Variants in ANKRD26 observed in about 807,000 individuals in gnomAD.
ANKRD26 encodes the protein ankyrin repeat domain-containing protein 26.
Under a neutral mutation model 208.7 loss-of-function variants are expected in ANKRD26, and 141 were observed. That is an observed-to-expected ratio of 0.68 (90% CI 0.59 to 0.78). The LOEUF is 0.78. Ranked by LOEUF, ANKRD26 falls within the 30% of genes least tolerant of loss-of-function variation. ANKRD26 has a pLI of 0.00. For missense variants in ANKRD26, 1,889 were observed against 1,938.7 expected, an observed-to-expected ratio of 0.97 and a Z score of 0.48; for synonymous variants, 636 against 660.4, an observed-to-expected ratio of 0.96 and a Z score of 0.57.
chr10:27,075,686 AG>A (rs751715360), intron 9 of ANKRD26, among the ~76,000 whole-genome samples: 1 of 152,220 alleles, frequency 6.6e-6, no homozygotes, highest in Non-Finnish European at 1.5e-5. Context: ...AGCACTAGAC[AG>A]GTCATCAAGG....
intron 4 of ANKRD26, among the ~76,000 whole-genome samples, chr10:26,981,860 C>G (rs2052314179): frequency 6.6e-6 from 1 of 152,152 alleles, no homozygotes; most frequent in African/African-American, 2.4e-5. Flanking sequence ...GTCGTGGCTA[C>G]CTGAATCTGT....
intron 3 of ANKRD26, among the ~76,000 whole-genome samples, chr10:26,984,616 C>T (rs1027932730): frequency 1.3e-5 from 2 of 152,218 alleles, no homozygotes; most frequent in Non-Finnish European, 2.9e-5. Flanking sequence ...AATCCTTTAC[C>T]AAAACTTGGC....
At chr10:27,021,824 T>C (rs945779349) in intron 29 of ANKRD26, among the ~76,000 whole-genome samples, 3 of 152,286 alleles carry the variant, frequency 2.0e-5, no homozygotes, top group East Asian at 1.9e-4. Context: ...ATCATGTTTG[T>C]TGGGTTGCAT....
intron 5 of ANKRD26, among the ~76,000 whole-genome samples, chr10:26,977,821 C>T (rs2052249564): frequency 6.6e-6 from 1 of 152,200 alleles, no homozygotes; most frequent in Admixed American, 6.5e-5. Context: ...AGAAAGCCCG[C>T]TACTGCCCTG....
intron 11 of ANKRD26, 78 bp from the exon 12 acceptor site, chr10:27,064,159 A>T: frequency 9.3e-7 from 1 of 1,078,658 alleles, no homozygotes; most frequent in South Asian, 1.4e-5. Context: ...ATCACTTTCA[A>T]ATATAATATG....
intron 15 of ANKRD26, among the ~76,000 whole-genome samples, chr10:27,057,935 CA>C (rs76921203): frequency 0.08 from 6,683 of 83,774 alleles, 169 homozygotes; most frequent in African/African-American, 0.12. Context: ...GACTCCATCT[CA>C]AAAAAAAAAA....
intron 1 of ANKRD26, among the ~76,000 whole-genome samples, chr10:27,099,878 G>A (rs564841341): frequency 5.9e-5 from 9 of 152,290 alleles, no homozygotes; most frequent in African/African-American, 2.2e-4. Context: ...GGATTTCGGG[G>A]GGATCGGAAA....
chr10:27,100,208 T>A lies in ANKRD26; in HGVS notation c.119A>T (p.Tyr40Phe), dbSNP rs370781900. The A allele has an allele frequency of 6.2e-7, 1 of 1,613,628 alleles. No homozygotes were observed. Among genetic ancestry groups the A allele is most frequent in the South Asian group, 1.1e-5 (1 of 91,088 alleles). ...GCCGAGATCTCGGTCTCGGACGTGG[T>A]AGCCGGGCTGCGAGTAGGCGCCCTC... ...PGEGAYSQPG[Y>F]HVRDRDLGKI... Residue 40 changes from tyrosine (Y) to phenylalanine (F), a missense_variant, in exon 1 of 34, where the codon TAC (tyrosine) becomes TTC (phenylalanine). This residue lies in a region of ANKRD26 where 1,272 missense variants were observed against 1,273.8 expected (regional missense o/e 1.00). Coordinates refer to ENST00000376087, the MANE Select transcript of ANKRD26 (RefSeq NM_014915.3).
intron 15 of ANKRD26, among the ~76,000 whole-genome samples, chr10:27,055,864 ATAAC>A (rs2054821564): frequency 1.3e-5 from 2 of 152,234 alleles, no homozygotes; most frequent in South Asian, 2.1e-4. Flanking sequence ...ACATGTAGTT[ATAAC>A]TAACACTTGT....
rs765358530 is a variant in ANKRD26, at chr10:27,092,389, A to G, written c.638+17T>C. On this transcript the variant is annotated intron_variant, in intron 4 of 33. Transcript: ENST00000376087. Reference sequence around the variant, plus strand: ...ACATACAAGTTTAAAAATCCAAAACAAAACCAGCTACTGTACCTTTCCAAC... The same window carrying G: ...ACATACAAGTTTAAAAATCCAAAACGAAACCAGCTACTGTACCTTTCCAAC... 2.0e-5 allele frequency: 31 copies of G among 1,578,114 alleles called. No individual in the cohort carries two copies. Among genetic ancestry groups the G allele is most frequent in the Non-Finnish European group, 2.7e-5 (31 of 1,150,380 alleles).
At chr10:26,996,973 G>T (rs2052607110) in intron 4 of ANKRD26, among the ~76,000 whole-genome samples, 1 of 152,014 alleles carries the variant, frequency 6.6e-6, no homozygotes, top group Non-Finnish European at 1.5e-5. Context: ...ACATTGTCAG[G>T]ATGTTTCTCT....
chr10:27,006,254 G>A (rs1245846675), intron 33 of ANKRD26, among the ~76,000 whole-genome samples: 2 of 152,324 alleles, frequency 1.3e-5, no homozygotes, highest in East Asian at 1.9e-4. Context: ...GCCAAGAGCT[G>A]GAGCTGAGGA....
At chr10:27,023,527 G>T (rs904038726) in intron 28 of ANKRD26, among the ~76,000 whole-genome samples, 2 of 151,710 alleles carry the variant, frequency 1.3e-5, no homozygotes, top group African/African-American at 4.8e-5. Flanking sequence ...CATTTTTGAC[G>T]TCTGAGTTAA....
intron 29 of ANKRD26, 133 bp downstream of exon 29, chr10:27,022,421 TAAAA>T: frequency 1.6e-6 from 1 of 639,278 alleles, no homozygotes; most frequent in Non-Finnish European, 2.5e-6. Context: ...CTTAAAAGTT[TAAAA>T]AAAGTTTTTT....
chr10:27,037,068 T>C lies in ANKRD26; in HGVS notation c.2697+118A>G, dbSNP rs35564547. 0.096 allele frequency: 99,631 copies of C among 1,039,084 alleles called. 5,963 individuals are homozygous for C. Among genetic ancestry groups the C allele is most frequent in the East Asian group, 0.27 (10,262 of 38,100 alleles). 64.4% of individuals were successfully genotyped at this position (1,039,084 alleles called of 1,614,324 possible). ...CTACCACTACCCCAAGATACACATA[T>C]ATGGTTTAAAAATCCTCGACACTTT... On this transcript the variant is annotated intron_variant, in intron 23 of 33. Transcript: ENST00000376087.
chr10:27,062,577 G>A (rs1485967499), intron 12 of ANKRD26, among the ~76,000 whole-genome samples: 1 of 152,138 alleles, frequency 6.6e-6, no homozygotes, highest in Non-Finnish European at 1.5e-5. Context: ...TGCCCTCTTG[G>A]AATCTGGTGT....
At chr10:26,969,509 C>T (rs2052113722), downstream of ANKRD26, among the ~76,000 whole-genome samples, 2 of 152,120 alleles carry the variant, frequency 1.3e-5, no homozygotes, top group South Asian at 4.1e-4. Context: ...AGACTCCTGT[C>T]CTGGAACCAG....
At chr10:26,986,039 C>G (rs2052380897) in intron 3 of ANKRD26, among the ~76,000 whole-genome samples, 1 of 152,144 alleles carries the variant, frequency 6.6e-6, no homozygotes, top group Admixed American at 6.5e-5. Context: ...TACTACAAGG[C>G]TACAGTAACC....
chr10:27,015,705 C>T (rs759764659), intron 30 of ANKRD26, among the ~76,000 whole-genome samples: 8 of 152,170 alleles, frequency 5.3e-5, no homozygotes, highest in East Asian at 1.9e-4. Context: ...ACTCTCACAA[C>T]GGCTACATAT....
Sources: gnomAD v4.1 joint callset for allele counts (sites outside exome capture counted in the v4.1 genomes callset) on GRCh38, gnomAD v4.1.1 for gene constraint, gnomAD v4.1.1 regional missense constraint, MANE v1.5 for transcripts, NCBI Gene and HGNC (gene_info 2026-07-23, HGNC 2026-07-21) for gene names.